Variants in KCNK1 observed in about 807,000 individuals in gnomAD.
KCNK1 encodes potassium channel subfamily K member 1.
A neutral mutation model predicts 22.2 loss-of-function variants in KCNK1; 10 were observed. The observed-to-expected ratio is 0.45, with a 90% CI of 0.28 to 0.76. KCNK1 has a LOEUF of 0.76. Among genes scored for constraint, KCNK1 ranks in the 30% least tolerant of loss-of-function variants. The pLI is 0.14. For synonymous variants in KCNK1, 200 were observed against 186.4 expected (o/e 1.07, Z -0.60); for missense variants, 378 against 421.0 (o/e 0.90, Z 0.89).
intron 1 of KCNK1, among the ~76,000 whole-genome samples, chr1:233,635,309 T>G (rs1657878977): frequency 6.6e-6 from 1 of 152,230 alleles, no homozygotes. Context: ...CCATATTTAG[T>G]GTTTATTCAG....
At chr1:233,662,563 CGAAGCATA>C (rs1231097366) in intron 1 of KCNK1, among the ~76,000 whole-genome samples, 1 of 152,100 alleles carries the variant, frequency 6.6e-6, no homozygotes, top group Non-Finnish European at 1.5e-5. Flanking sequence ...AAAAATCTAG[CGAAGCATA>C]GCCCCTGATT....
chr1:233,655,761 C>A, intron 1 of KCNK1: 1 of 153,200 alleles, frequency 6.5e-6, no homozygotes, highest in South Asian at 1.8e-4. Context: ...GACACTGAAT[C>A]TGCTGGTGCC....
intron 1 of KCNK1, among the ~76,000 whole-genome samples, chr1:233,615,330 C>T (rs1001757862): frequency 2.0e-5 from 3 of 152,214 alleles, no homozygotes; most frequent in Non-Finnish European, 4.4e-5. Flanking sequence ...TACGACTCAC[C>T]CGCGGGGCGC....
intron 1 of KCNK1, among the ~76,000 whole-genome samples, chr1:233,665,173 C>T (rs140829040): frequency 1.2e-3 from 177 of 152,246 alleles, no homozygotes; most frequent in African/African-American, 4.1e-3. Context: ...TTTGAAAATA[C>T]AGAAATGACC....
chr1:233,644,965 C>T (rs571980017), intron 1 of KCNK1, among the ~76,000 whole-genome samples: 187 of 152,142 alleles, frequency 1.2e-3, no homozygotes, highest in African/African-American at 3.6e-3. Context: ...GAGGCCAAGG[C>T]GGGTGGATCA....
chr1:233,629,291 G>A (rs1157445109), intron 1 of KCNK1, among the ~76,000 whole-genome samples: 3 of 152,152 alleles, frequency 2.0e-5, no homozygotes, highest in Admixed American at 1.3e-4. Flanking sequence ...ATAGGGAGAT[G>A]GCTGAAGTGG....
intron 1 of KCNK1, among the ~76,000 whole-genome samples, chr1:233,628,822 T>G (rs1657740507): frequency 6.7e-6 from 1 of 149,960 alleles, no homozygotes; most frequent in South Asian, 2.1e-4. Flanking sequence ...AAAGTGAGAA[T>G]CATGAATTAT....
At chr1:233,670,079 C>T (rs2102913699) in intron 2 of KCNK1, among the ~76,000 whole-genome samples, 1 of 152,172 alleles carries the variant, frequency 6.6e-6, no homozygotes, top group African/African-American at 2.4e-5. Flanking sequence ...TTTTGTTATT[C>T]TTGGAGTTTT....
intron 1 of KCNK1, among the ~76,000 whole-genome samples, chr1:233,646,531 C>CATTATT (rs74592680): frequency 5.2e-4 from 78 of 149,920 alleles, no homozygotes; most frequent in African/African-American, 7.1e-4. Flanking sequence ...GTGTTGGCAC[C>CATTATT]ATTATTATTA....
chr1:233,636,044 G>A (rs926508851), intron 1 of KCNK1, among the ~76,000 whole-genome samples: 1 of 152,184 alleles, frequency 6.6e-6, no homozygotes, highest in Non-Finnish European at 1.5e-5. Flanking sequence ...CCCTGAGCCA[G>A]GAGTATACCT....
chr1:233,614,452 G>A lies in KCNK1; in HGVS notation c.281G>A (p.Ser94Asn), dbSNP rs754541882. 1.5e-5 allele frequency: 24 copies of A among 1,613,236 alleles called. No homozygotes were observed. The Admixed American group carries it at 3.8e-4, about 26-fold the overall frequency. Reference sequence around the variant, plus strand: ...AGCAACTACGGCGTGTCGGTGCTCAGCAACGCCTCGGGCAACTGGAACTGG... The same window carrying A: ...AGCAACTACGGCGTGTCGGTGCTCAACAACGCCTCGGGCAACTGGAACTGG... ...EASNYGVSVL[S>N]NASGNWNWDF... Residue 94 changes from serine to asparagine, a missense_variant, in exon 1 of 3, where the codon AGC becomes AAC. Transcript: ENST00000366621.
At chr1:233,643,405 A>G (rs147761889) in intron 1 of KCNK1, among the ~76,000 whole-genome samples, 76 of 152,264 alleles carry the variant, frequency 5.0e-4, no homozygotes, top group African/African-American at 1.7e-3. Flanking sequence ...ATGTCTATGT[A>G]TGAGCTCACG....
chr1:233,621,936 T>C (rs1657595472), intron 1 of KCNK1, among the ~76,000 whole-genome samples: 1 of 152,140 alleles, frequency 6.6e-6, no homozygotes, highest in African/African-American at 2.4e-5. Flanking sequence ...ATGACATTGC[T>C]CATTGGAGTG....
chr1:233,666,702 C>A lies in KCNK1; in HGVS notation c.463C>A (p.Arg155Ser), dbSNP rs754278686. Residue 155 changes from arginine (R) to serine (S), a missense_variant, in exon 2 of 3, where the codon CGC (arginine) becomes AGC (serine). Coordinates refer to ENST00000366621, the MANE Select transcript of KCNK1 (RefSeq NM_002245.4). ...CCTGTTCCTGACGGCTGTGGTCCAGCGCATCACCGTGCACGTCACCCGCAG... is the reference window on the plus strand; with the variant it reads ...CCTGTTCCTGACGGCTGTGGTCCAGAGCATCACCGTGCACGTCACCCGCAG... The part of the protein sequence containing the change: ...TLLFLTAVVQ[R>S]ITVHVTRRPV... 20 of 1,614,088 alleles carry A rather than the reference C, an allele frequency of 1.2e-5. No individual in the cohort carries two copies. The highest frequency in any genetic ancestry group is 1.3e-5 in the Non-Finnish European group (15 of 1,180,034).
At position 233,671,321 on chromosome 1, in the gene KCNK1, T is replaced by G; in HGVS notation, c.802T>G (p.Cys268Gly). Residue 268 changes from cysteine to glycine, a missense_variant, in exon 3 of 3, where the codon TGT becomes GGT. Transcript: ENST00000366621. The stretch of plus-strand genomic sequence containing the variant: ...CATGTTGGTAGTTCTGGAAACCTTC[T>G]GTGAACTCCATGAGCTGAAAAAATT... ...IAMLVVLETF[C>G]ELHELKKFRK... 2 of 1,614,212 alleles carry G rather than the reference T, an allele frequency of 1.2e-6. No homozygotes were observed. The highest frequency in any genetic ancestry group is 8.5e-7 in the Non-Finnish European group (1 of 1,180,010).
chr1:233,665,372 T>C (rs1658471079), intron 1 of KCNK1, among the ~76,000 whole-genome samples: 1 of 152,246 alleles, frequency 6.6e-6, no homozygotes, highest in Non-Finnish European at 1.5e-5. Flanking sequence ...AGGAGCTGCA[T>C]GGAATTCCAA....
intron 1 of KCNK1, among the ~76,000 whole-genome samples, chr1:233,639,300 T>A (rs538802959): frequency 1.3e-5 from 2 of 152,364 alleles, no homozygotes; most frequent in African/African-American, 4.8e-5. Flanking sequence ...AAGTATATTT[T>A]TCATAAGACA....
At chr1:233,641,136 C>T (rs879440350) in intron 1 of KCNK1, among the ~76,000 whole-genome samples, 5 of 152,168 alleles carry the variant, frequency 3.3e-5, no homozygotes, top group South Asian at 2.1e-4. Flanking sequence ...ACAAACAAGC[C>T]GGAAGACTTT....
intron 1 of KCNK1, among the ~76,000 whole-genome samples, chr1:233,663,579 G>A (rs1482261800): frequency 6.6e-6 from 1 of 152,040 alleles, no homozygotes; most frequent in Non-Finnish European, 1.5e-5. Context: ...TACAGTTTTA[G>A]TAAAGCTGAT....
Sources: gnomAD v4.1 joint callset for allele counts (sites outside exome capture counted in the v4.1 genomes callset) on GRCh38, gnomAD v4.1.1 for gene constraint, MANE v1.5 for transcripts, NCBI Gene and HGNC (gene_info 2026-07-23, HGNC 2026-07-21) for gene names.